The following PDGFC variants were observed in gnomAD, a reference collection of about 807,000 sequenced individuals.
PDGFC encodes the protein platelet-derived growth factor C.
In PDGFC, 12 loss-of-function variants were observed where a neutral mutation model predicts 35.5. The ratio of observed to expected loss-of-function variants is 0.34; its 90% CI spans 0.22 to 0.55. The LOEUF (loss-of-function observed/expected upper bound fraction) is 0.55. Among genes scored for constraint, PDGFC ranks in the 20% least tolerant of loss-of-function variants. The pLI, the probability that PDGFC is intolerant of heterozygous loss-of-function variation, is 0.91. For synonymous variants in PDGFC, 159 were observed against 148.8 expected (o/e 1.07, Z -0.50); for missense variants, 322 against 412.4 (o/e 0.78, Z 1.90).
intron 1 of PDGFC, among the ~76,000 whole-genome samples, chr4:156,925,902 A>G (rs1731399840): frequency 6.6e-6 from 1 of 151,832 alleles, no homozygotes; most frequent in African/African-American, 2.4e-5. Context: ...AAATATAAAA[A>G]TTAGCCAGAT....
chr4:156,836,495 T>C (rs1026213524), intron 2 of PDGFC, among the ~76,000 whole-genome samples: 3 of 152,240 alleles, frequency 2.0e-5, no homozygotes, highest in African/African-American at 7.2e-5. Flanking sequence ...TATTCTTTTT[T>C]CTTTCCAAAA....
chr4:156,881,019 A>G (rs975626118), intron 1 of PDGFC, among the ~76,000 whole-genome samples: 1 of 152,180 alleles, frequency 6.6e-6, no homozygotes, highest in Non-Finnish European at 1.5e-5. Context: ...TCCAATTTTG[A>G]AAAAAGTTTT....
intron 1 of PDGFC, among the ~76,000 whole-genome samples, chr4:156,888,808 C>T (rs2111189068): frequency 6.6e-6 from 1 of 152,252 alleles, no homozygotes; most frequent in East Asian, 1.9e-4. Flanking sequence ...ATTCTCTACA[C>T]TAAACATTCA....
At chr4:156,934,614 A>G (rs970432270) in intron 1 of PDGFC, among the ~76,000 whole-genome samples, 1 of 152,204 alleles carries the variant, frequency 6.6e-6, no homozygotes, top group Admixed American at 6.5e-5. Flanking sequence ...TACTTTATAA[A>G]CTTTTTAAAT....
chr4:156,945,342 CATATATATAT>C (rs201167463), intron 1 of PDGFC, among the ~76,000 whole-genome samples: 5,915 of 80,724 alleles, frequency 0.073, 282 homozygotes, highest in Middle Eastern at 0.11. Flanking sequence ...CATATACATA[CATATATATAT>C]ATATATATAT....
chr4:156,793,590 T>C (rs1423354924), intron 3 of PDGFC, among the ~76,000 whole-genome samples: 2 of 149,054 alleles, frequency 1.3e-5, no homozygotes, highest in Non-Finnish European at 3.0e-5. Flanking sequence ...TATATGTGTG[T>C]GTATACATGA....
intron 3 of PDGFC, chr4:156,778,249 G>C: frequency 2.8e-6 from 1 of 354,394 alleles, no homozygotes; most frequent in South Asian, 2.2e-5. Context: ...GTTTTCTCTT[G>C]CCAAAACGAG....
intron 2 of PDGFC, among the ~76,000 whole-genome samples, chr4:156,829,625 C>G (rs921246153): frequency 1.3e-5 from 2 of 152,224 alleles, no homozygotes; most frequent in Non-Finnish European, 2.9e-5. Flanking sequence ...CTTTGATAGT[C>G]TCTTGTGTCA....
intron 1 of PDGFC, among the ~76,000 whole-genome samples, chr4:156,859,484 C>G (rs527237667): frequency 1.3e-5 from 2 of 152,156 alleles, no homozygotes; most frequent in East Asian, 3.9e-4. Context: ...ATATTTGTAG[C>G]AAGATGTTTG....
At position 156,971,659 on chromosome 4, in the gene PDGFC, G is replaced by T. The variant is rs1363674331; in HGVS notation, c.-756C>A. On this transcript the variant is annotated 5_prime_UTR_variant, in exon 1 of 6. Coordinates refer to ENST00000502773, the MANE Select transcript of PDGFC (RefSeq NM_016205.3). ...CGCGACCAAAGTTCACCTTGTTCGGGCTCGTCCCCCGCTCCTCAAAGCCTG... is the reference window on the plus strand; with the variant it reads ...CGCGACCAAAGTTCACCTTGTTCGGTCTCGTCCCCCGCTCCTCAAAGCCTG... 6.6e-6 allele frequency among the ~76,000 whole-genome samples: 1 copy of T among 151,852 alleles called. No individual in the cohort carries two copies. The highest frequency in any genetic ancestry group is 2.4e-5 in the African/African-American group (1 of 41,378).
intron 3 of PDGFC, among the ~76,000 whole-genome samples, chr4:156,778,629 C>A (rs1458566529): frequency 6.6e-6 from 1 of 152,258 alleles, no homozygotes; most frequent in Admixed American, 6.5e-5. Flanking sequence ...TGGAATAGTA[C>A]TATCTGAACT....
chr4:156,950,976 T>C (rs1444277060), intron 1 of PDGFC, among the ~76,000 whole-genome samples: 1 of 151,892 alleles, frequency 6.6e-6, no homozygotes, highest in Non-Finnish European at 1.5e-5. Context: ...GCTATGGATA[T>C]GACAGTTTAT....
At chr4:156,840,062 C>T (rs774776427) in intron 2 of PDGFC, among the ~76,000 whole-genome samples, 24 of 152,156 alleles carry the variant, frequency 1.6e-4, no homozygotes, top group Non-Finnish European at 3.4e-4. Context: ...AAAAGAAAAA[C>T]CTACTTTCTG....
intron 1 of PDGFC, among the ~76,000 whole-genome samples, chr4:156,939,863 G>T (rs1037334378): frequency 1.3e-5 from 2 of 151,946 alleles, no homozygotes; most frequent in African/African-American, 4.8e-5. Context: ...TAACTACTTG[G>T]GATTACAGTA....
At chr4:156,839,932 A>G (rs1729157832) in intron 2 of PDGFC, among the ~76,000 whole-genome samples, 1 of 152,156 alleles carries the variant, frequency 6.6e-6, no homozygotes, top group Admixed American at 6.5e-5. Context: ...GATGTGTGGA[A>G]CTTTGAACTT....
intron 1 of PDGFC, among the ~76,000 whole-genome samples, chr4:156,947,043 A>T (rs896036759): frequency 6.6e-6 from 1 of 152,070 alleles, no homozygotes; most frequent in Non-Finnish European, 1.5e-5. Context: ...AGTGTTAATG[A>T]GTCAACATTA....
intron 2 of PDGFC, among the ~76,000 whole-genome samples, chr4:156,832,848 T>C (rs142358815): frequency 2.0e-5 from 3 of 152,190 alleles, no homozygotes; most frequent in Non-Finnish European, 4.4e-5. Flanking sequence ...TTTGGGTGTA[T>C]GTGGGCAGTC....
chr4:156,785,351 G>A (rs772820087), intron 3 of PDGFC, among the ~76,000 whole-genome samples: 3 of 152,004 alleles, frequency 2.0e-5, no homozygotes, highest in East Asian at 1.9e-4. Context: ...ACAGGGGTCC[G>A]CCACCACACC....
At chr4:156,862,094 T>C (rs1418742814) in intron 1 of PDGFC, among the ~76,000 whole-genome samples, 1 of 152,186 alleles carries the variant, frequency 6.6e-6, no homozygotes, top group African/African-American at 2.4e-5. Flanking sequence ...TTTGCTAGTG[T>C]AAAAATTGGT....
Sources: gnomAD v4.1 joint callset for allele counts (sites outside exome capture counted in the v4.1 genomes callset) on GRCh38, gnomAD v4.1.1 for gene constraint, MANE v1.5 for transcripts, NCBI Gene and HGNC (gene_info 2026-07-23, HGNC 2026-07-21) for gene names.